The following FSD2 variants were observed in gnomAD, a reference collection of about 807,000 sequenced individuals.
FSD2 encodes the protein fibronectin type III and SPRY domain-containing protein 2.
Under a neutral mutation model 80.4 loss-of-function variants are expected in FSD2, and 71 were observed. The observed-to-expected ratio is 0.88, with a 90% confidence interval of 0.73 to 1.08. The LOEUF (loss-of-function observed/expected upper bound fraction) is 1.08. FSD2 is among the 50% of genes least tolerant of loss of function. The pLI, the probability that FSD2 is intolerant of heterozygous loss-of-function variation, is 0.00. For missense variants in FSD2, 923 were observed against 913.8 expected (o/e 1.01, Z -0.13); for synonymous variants, 361 against 329.5 (o/e 1.10, Z -1.03).
chr15:82,777,707 C>T (rs1382395762), intron 6 of FSD2, among the ~76,000 whole-genome samples: 2 of 151,646 alleles, frequency 1.3e-5, no homozygotes, highest in African/African-American at 4.8e-5. Context: ...ATTAGTGGAG[C>T]GTGGTGGCGG....
chr15:82,782,965 G>A lies in FSD2; in HGVS notation c.796C>T (p.Leu266Phe). ...ATTTTTTCCTCATATTTTTGAGCAA[G>A]TGTTTCCAAGATCTCGTTGTAATGT... ...ESHYNEILET[L>F]AQKYEEKIQA... Residue 266 changes from leucine to phenylalanine, a missense_variant, in exon 4 of 13, where the codon CTT becomes TTT. Coordinates refer to ENST00000334574, the MANE Select transcript of FSD2 (RefSeq NM_001007122.4). The A allele has an allele frequency of 6.2e-7, 1 of 1,613,760 alleles. No individual in the cohort carries two copies. Among genetic ancestry groups the A allele is most frequent in the Middle Eastern group, 1.6e-4 (1 of 6,062 alleles).
intron 4 of FSD2, among the ~76,000 whole-genome samples, chr15:82,780,501 A>G (rs1042542233): frequency 1.3e-5 from 2 of 151,662 alleles, no homozygotes; most frequent in African/African-American, 4.8e-5. Context: ...CACCCAGCTA[A>G]TTTTTGTATT....
chr15:82,775,012 G>T (rs896489542), intron 6 of FSD2, among the ~76,000 whole-genome samples: 3 of 151,366 alleles, frequency 2.0e-5, no homozygotes, highest in Non-Finnish European at 4.4e-5. Context: ...GAGCCACCGC[G>T]CCTGGCCTTG....
intron 1 of FSD2, among the ~76,000 whole-genome samples, chr15:82,798,818 C>T (rs2050339620): frequency 6.6e-6 from 1 of 151,394 alleles, no homozygotes; most frequent in African/African-American, 2.4e-5. Context: ...TTAATAGCCA[C>T]TTCCCAAACT....
chr15:82,782,926 C>A lies in FSD2; in HGVS notation c.835G>T (p.Glu279Ter). The A allele has an allele frequency of 6.2e-7, 1 of 1,613,902 alleles. No homozygotes were observed. Among genetic ancestry groups the A allele is most frequent in the South Asian group, 1.1e-5 (1 of 91,074 alleles). ...GCTTCCAGCTTCTCTTTCTTTTTCT[C>A]CCCTAGAGCTTGTATTTTTTCCTCA... Reference protein sequence around the residue: ...KYEEKIQALGEKKKEKLEALY... With the variant: ...KYEEKIQALG The change falls in exon 4 of 13, where the codon GAG becomes TAG. Residue 279 changes from glutamate to a stop codon, truncating the protein, a stop_gained. Coordinates refer to ENST00000334574, the MANE Select transcript of FSD2 (RefSeq NM_001007122.4). LOFTEE classifies it high-confidence loss of function.
intron 3 of FSD2, among the ~76,000 whole-genome samples, chr15:82,785,907 G>A (rs1018776362): frequency 2.0e-5 from 3 of 152,020 alleles, no homozygotes; most frequent in Non-Finnish European, 2.9e-5. Flanking sequence ...CAAAAAAAGA[G>A]GTCCAAAACA....
Position 82,780,270 on chromosome 15 carries a change from A to T in FSD2, c.967-3T>A. The T allele has an allele frequency of 6.7e-7, 1 of 1,486,218 alleles. No individual in the cohort carries two copies. The highest frequency in any genetic ancestry group is 2.5e-5 in the East Asian group (1 of 39,658). The allele number at this position is 1,486,218 out of a possible 1,614,324, so 92.1% of individuals were successfully genotyped here. ...CTGTCAGCCATAGCCACTGCATCCT[A>T]AAAAGGAAAAAGAGAAAATATTAAG... On this transcript the variant is annotated splice_region_variant and splice_polypyrimidine_tract_variant and intron_variant, in intron 4 of 12. Coordinates refer to ENST00000334574, the MANE Select transcript of FSD2 (RefSeq NM_001007122.4).
intron 4 of FSD2, among the ~76,000 whole-genome samples, chr15:82,780,523 C>G (rs772926544): frequency 1.3e-5 from 2 of 151,784 alleles, no homozygotes; most frequent in South Asian, 4.2e-4. Flanking sequence ...TTAGTAGAGA[C>G]AGCGTTTTAC....
rs2049314672 is a variant in FSD2, at chr15:82,762,420, G to A, written c.1821-142C>T. The A allele has an allele frequency of 4.4e-6, 3 of 675,870 alleles. No homozygotes were observed. In the South Asian group the frequency reaches 6.2e-5, roughly 14 times the overall value. The allele number at this position is 675,870 out of a possible 1,614,324, so 41.9% of individuals were successfully genotyped here. A position where few individuals can be genotyped will look rare whatever the true frequency, so the allele number is the denominator to read the frequency against. On this transcript the variant is annotated intron_variant, in intron 11 of 12. Transcript: ENST00000334574. ...TGCTTCTGGACACTTAACTTGTAAA[G>A]TACCCTTAGCTCTCAAAGCTCAGTG...
intron 1 of FSD2, among the ~76,000 whole-genome samples, chr15:82,790,813 C>A (rs1308958288): frequency 6.7e-6 from 1 of 149,886 alleles, no homozygotes; most frequent in East Asian, 2.0e-4. Flanking sequence ...TCTCGATCTC[C>A]TGACCTCGTG....
At chr15:82,787,628 G>T (rs2050035497) in intron 1 of FSD2, among the ~76,000 whole-genome samples, 160 bp from the exon 2 acceptor site, 2 of 151,772 alleles carry the variant, frequency 1.3e-5, no homozygotes, top group Middle Eastern at 3.2e-3. Flanking sequence ...GTTTTCTATG[G>T]GAGGATGGGC....
rs370948453 is a variant in FSD2 at position 82,756,266 on chromosome 15, G to A, written c.*3082C>T. ...TATAGTGCAGTCTGGTAGCTGAACC[G>A]CCTTGCATCAAGACCAATGTAGTCT... On this transcript the variant is annotated 3_prime_UTR_variant, in exon 13 of 13. Coordinates refer to ENST00000334574, the MANE Select transcript of FSD2 (RefSeq NM_001007122.4). 7 of 216,216 alleles carry A rather than the reference G, an allele frequency of 3.2e-5. No homozygotes were observed. Among genetic ancestry groups the A allele is most frequent in the African/African-American group, 1.1e-4 (5 of 43,768 alleles). The allele number at this position is 216,216 out of a possible 1,614,324, so 13.4% of individuals were successfully genotyped here.
chr15:82,766,456 A>G (rs74028576), intron 9 of FSD2, among the ~76,000 whole-genome samples: 319 of 152,282 alleles, frequency 2.1e-3, no homozygotes, highest in African/African-American at 7.5e-3. Context: ...AAGGCCGTCA[A>G]TTCAGCCAGG....
At position 82,768,928 on chromosome 15, in the gene FSD2, G is replaced by A; in HGVS notation, c.1505C>T (p.Thr502Ile). The A allele has an allele frequency of 6.2e-7, 1 of 1,606,118 alleles. No homozygotes were observed. Among genetic ancestry groups the A allele is most frequent in the Non-Finnish European group, 8.5e-7 (1 of 1,176,462 alleles). ...SGNLNPVDSY[T>I]VELTQAESPE... is the part of the protein sequence containing the mutation. ...ACTTTCAGCCTGGGTCAGCTCCACA[G>A]TGTACGAGTCCACAGGATTCAGGTT... The change falls in exon 9 of 13, where the codon ACT becomes ATT. Residue 502 changes from threonine (T) to isoleucine (I), a missense_variant. Transcript: ENST00000334574.
At chr15:82,773,652 G>A (rs1280717735) in intron 6 of FSD2, among the ~76,000 whole-genome samples, 3 of 152,170 alleles carry the variant, frequency 2.0e-5, no homozygotes, top group Admixed American at 6.5e-5. Flanking sequence ...TCCAGTGGAC[G>A]TCATAGCTCT....
chr15:82,762,175 C>T lies in FSD2; in HGVS notation c.1924G>A (p.Asp642Asn), dbSNP rs759069618. The T allele has an allele frequency of 5.0e-6, 8 of 1,613,532 alleles. No homozygotes were observed. Among genetic ancestry groups the T allele is most frequent in the Non-Finnish European group, 6.8e-6 (8 of 1,179,722 alleles). Residue 642 changes from aspartate to asparagine, a missense_variant, in exon 12 of 13, where the codon GAT (aspartate) becomes AAT (asparagine). Physicochemically the swap from Asp to Asn is conservative, Grantham distance 23. Coordinates refer to ENST00000334574, the MANE Select transcript of FSD2 (RefSeq NM_001007122.4). ...CCCAGATCCTCCTGTTTACGGACAT[C>T]TGCAAAGGCCACACCAACTCTGTAG... is the stretch of plus-strand genomic sequence containing the variant. ...LDYRVGVAFA[D>N]VRKQEDLGAN...
At chr15:82,770,275 C>A (rs144869788) in intron 7 of FSD2, among the ~76,000 whole-genome samples, 2 of 152,286 alleles carry the variant, frequency 1.3e-5, no homozygotes, top group Admixed American at 6.5e-5. Flanking sequence ...CAAGTCCTCC[C>A]GGCTATCCTA....
At chr15:82,786,158 GA>G (rs1264202320) in intron 3 of FSD2, among the ~76,000 whole-genome samples, 1 of 152,190 alleles carries the variant, frequency 6.6e-6, no homozygotes, top group African/African-American at 2.4e-5. Context: ...GCCAGTGAAG[GA>G]GAGGGATTGT....
chr15:82,784,411 A>AT (rs1408525631), intron 3 of FSD2, among the ~76,000 whole-genome samples: 9 of 151,270 alleles, frequency 5.9e-5, no homozygotes, highest in East Asian at 3.9e-4. Flanking sequence ...AGCCCAACTA[A>AT]TTTTTTTTGT....
Sources: gnomAD v4.1 joint callset for allele counts (sites outside exome capture counted in the v4.1 genomes callset) on GRCh38, gnomAD v4.1.1 for gene constraint, MANE v1.5 for transcripts, NCBI Gene and HGNC (gene_info 2026-07-23, HGNC 2026-07-21) for gene names.